The following SPIDR variants were observed in gnomAD, a reference collection of about 807,000 sequenced individuals.
SPIDR encodes DNA repair-scaffolding protein.
A neutral mutation model predicts 104.6 loss-of-function variants in SPIDR; 93 were observed. The ratio of observed to expected loss-of-function variants is 0.89; its 90% CI spans 0.75 to 1.06. SPIDR has a LOEUF of 1.06. Among genes scored for constraint, SPIDR ranks in the 50% least tolerant of loss-of-function variants. The pLI is 0.00. For synonymous variants in SPIDR, 431 were observed against 416.9 expected (o/e 1.03, Z -0.41); for missense variants, 1,154 against 1,111.2 (o/e 1.04, Z -0.55).
intron 11 of SPIDR, among the ~76,000 whole-genome samples, chr8:47,676,192 C>T (rs1437092178): frequency 6.6e-6 from 1 of 152,230 alleles, no homozygotes; most frequent in Non-Finnish European, 1.5e-5. Context: ...GCCTAACCGT[C>T]TGTAACATTT....
chr8:47,583,875 G>A (rs907222952), intron 8 of SPIDR, among the ~76,000 whole-genome samples: 3 of 152,160 alleles, frequency 2.0e-5, no homozygotes, highest in Non-Finnish European at 2.9e-5. Flanking sequence ...CAGAGGGGCC[G>A]CCCTTGGAGC....
At chr8:47,649,272 CA>C (rs112630223) in intron 10 of SPIDR, among the ~76,000 whole-genome samples, 1,931 of 127,120 alleles carry the variant, frequency 0.015, 19 homozygotes, top group Non-Finnish European at 0.023. Flanking sequence ...GGGAAGAATG[CA>C]AAAAAAAAAA....
intron 16 of SPIDR, among the ~76,000 whole-genome samples, chr8:47,715,964 CTTTTT>C (rs965625857): frequency 7.9e-6 from 1 of 127,092 alleles, no homozygotes; most frequent in African/African-American, 3.0e-5. Flanking sequence ...TCTCTTTTTT[CTTTTT>C]TTTTTTTTTT....
intron 11 of SPIDR, among the ~76,000 whole-genome samples, chr8:47,677,003 C>G (rs561486940): frequency 6.6e-6 from 1 of 152,342 alleles, no homozygotes; most frequent in East Asian, 1.9e-4. Flanking sequence ...GAAGAAGAGT[C>G]AGAAAAACAG....
intron 8 of SPIDR, among the ~76,000 whole-genome samples, chr8:47,583,110 G>A (rs995887773): frequency 3.3e-5 from 5 of 149,576 alleles, no homozygotes; most frequent in Non-Finnish European, 7.4e-5. Flanking sequence ...AAAGTTTCTT[G>A]TAAGAATGCA....
At chr8:47,536,440 A>G (rs1004876339) in intron 8 of SPIDR, among the ~76,000 whole-genome samples, 1 of 152,210 alleles carries the variant, frequency 6.6e-6, no homozygotes, top group African/African-American at 2.4e-5. Flanking sequence ...AAATAGGTCA[A>G]TGGAACAAAA....
chr8:47,608,929 A>T (rs981716764), intron 10 of SPIDR, among the ~76,000 whole-genome samples: 1 of 152,094 alleles, frequency 6.6e-6, no homozygotes, highest in Non-Finnish European at 1.5e-5. Flanking sequence ...GGGTTTCACC[A>T]TGTTGGCCTG....
intron 5 of SPIDR, among the ~76,000 whole-genome samples, chr8:47,380,663 C>T (rs1009406036): frequency 2.0e-5 from 3 of 152,114 alleles, no homozygotes; most frequent in African/African-American, 7.2e-5. Context: ...GAGTTAAGTT[C>T]TCTCCTTCTC....
At position 47,702,621 on chromosome 8, in the gene SPIDR, G is replaced by T. The variant is rs866294098; in HGVS notation, c.1977+606G>T. On this transcript the variant is annotated intron_variant, in intron 14 of 19. Coordinates refer to ENST00000297423, the MANE Select transcript of SPIDR (RefSeq NM_001080394.4). ...ACCTGCTTGCCAGTTTGAATGCATG[G>T]ACTACATTCTGCTAGAAACCTCTGC... 2.6e-5 allele frequency among the ~76,000 whole-genome samples: 4 copies of T among 152,278 alleles called. No individual in the cohort carries two copies. The South Asian group carries it at 6.2e-4, about 24-fold the overall frequency.
chr8:47,642,432 A>G lies in SPIDR; in HGVS notation c.1545-31369A>G, dbSNP rs1469768259. Reference sequence around the variant, plus strand: ...CTCCGTCTCAAAAAAAAAAAAAAAAAGAAAAAGAATTCGACATGTGCTTGC... The same window carrying G: ...CTCCGTCTCAAAAAAAAAAAAAAAAGGAAAAAGAATTCGACATGTGCTTGC... On this transcript the variant is annotated intron_variant, in intron 10 of 19. Transcript: ENST00000297423. Among the ~76,000 whole-genome samples, 5 of 151,640 alleles carry G rather than the reference A, an allele frequency of 3.3e-5. No homozygotes were observed. In the East Asian group the frequency reaches 9.7e-4, roughly 29 times the overall value.
intron 1 of SPIDR, among the ~76,000 whole-genome samples, chr8:47,278,065 C>A (rs2036918192): frequency 6.6e-6 from 1 of 151,344 alleles, no homozygotes; most frequent in South Asian, 2.1e-4. Flanking sequence ...AATTGCTACA[C>A]ATCCTTGGCA....
chr8:47,319,516 A>G (rs7011833), intron 5 of SPIDR, among the ~76,000 whole-genome samples: 31,574 of 152,020 alleles, frequency 0.21, 6,692 homozygotes, highest in African/African-American at 0.55. Flanking sequence ...ACACCCCACT[A>G]TCAACATTAG....
At chr8:47,728,808 T>C in intron 17 of SPIDR, 125 bp from the exon 18 acceptor site, 2 of 1,149,746 alleles carry the variant, frequency 1.7e-6, no homozygotes, top group Non-Finnish European at 2.4e-6. Flanking sequence ...AGAAACTTGA[T>C]TCTGAGAGTA....
intron 10 of SPIDR, among the ~76,000 whole-genome samples, chr8:47,622,852 G>T (rs1040709601): frequency 1.3e-5 from 2 of 151,996 alleles, no homozygotes; most frequent in Non-Finnish European, 2.9e-5. Flanking sequence ...AATTATCCAG[G>T]CACCCTCTTT....
intron 8 of SPIDR, among the ~76,000 whole-genome samples, chr8:47,589,428 A>G (rs2060722170): frequency 1.3e-5 from 2 of 152,032 alleles, no homozygotes; most frequent in Non-Finnish European, 1.5e-5. Flanking sequence ...AGGCTGAGGC[A>G]GGAGAATTGC....
intron 5 of SPIDR, among the ~76,000 whole-genome samples, chr8:47,322,560 C>A (rs1258759953): frequency 6.6e-6 from 1 of 152,116 alleles, no homozygotes; most frequent in African/African-American, 2.4e-5. Flanking sequence ...ACTAGAAATA[C>A]CATTTGACCC....
chr8:47,655,479 T>G (rs1451210066), intron 10 of SPIDR, among the ~76,000 whole-genome samples: 1 of 152,238 alleles, frequency 6.6e-6, no homozygotes, highest in Non-Finnish European at 1.5e-5. Context: ...TGGCCAGTGA[T>G]GATGAGCATT....
chr8:47,735,738 T>C lies in SPIDR; in HGVS notation c.*288T>C, dbSNP rs1379987321. 3 of 661,520 alleles carry C rather than the reference T, an allele frequency of 4.5e-6. No homozygotes were observed. The African/African-American group carries it at 5.5e-5, about 12-fold the overall frequency. The allele number at this position is 661,520 out of a possible 1,614,324, so 41.0% of individuals were successfully genotyped here. A position where few individuals can be genotyped will look rare whatever the true frequency, so the allele number is the denominator to read the frequency against. ...CTCTTCATTTGGTATTTAGGCAATATATGAGAAAAAAATTTTTTTTGTTCA... is the reference window on the plus strand; with the variant it reads ...CTCTTCATTTGGTATTTAGGCAATACATGAGAAAAAAATTTTTTTTGTTCA... On this transcript the variant is annotated 3_prime_UTR_variant, in exon 20 of 20. Transcript: ENST00000297423.
At chr8:47,670,504 A>G (rs967604733) in intron 10 of SPIDR, among the ~76,000 whole-genome samples, 1 of 152,152 alleles carries the variant, frequency 6.6e-6, no homozygotes, top group African/African-American at 2.4e-5. Context: ...ATCGATTACC[A>G]ACAACTTTAT....
Sources: gnomAD v4.1 joint callset for allele counts (sites outside exome capture counted in the v4.1 genomes callset) on GRCh38, gnomAD v4.1.1 for gene constraint, MANE v1.5 for transcripts, NCBI Gene and HGNC (gene_info 2026-07-23, HGNC 2026-07-21) for gene names.